Variants in ADAM10 observed in about 807,000 individuals in gnomAD.
The protein encoded by ADAM10 is disintegrin and metalloproteinase domain-containing protein 10.
A neutral mutation model predicts 90.1 loss-of-function variants in ADAM10; 17 were observed. The observed-to-expected ratio is 0.19, with a 90% CI of 0.13 to 0.28. The LOEUF is 0.28. ADAM10 is among the 10% of genes least tolerant of loss of function. The pLI is 1.00. For missense variants in ADAM10, 610 were observed against 914.3 expected (o/e 0.67, Z 4.29); for synonymous variants, 310 against 298.6 (o/e 1.04, Z -0.40).
chr15:58,599,455 T>C, intron 15 of ADAM10, 143 bp downstream of exon 15: 1 of 1,021,504 alleles, frequency 9.8e-7, no homozygotes, highest in Non-Finnish European at 1.5e-6. Flanking sequence ...CACACAAATA[T>C]CAACTAAATC....
intron 7 of ADAM10, 89 bp from the exon 8 acceptor site, chr15:58,641,049 G>A: frequency 8.2e-7 from 1 of 1,223,214 alleles, no homozygotes; most frequent in South Asian, 1.3e-5. Context: ...CGTACACCTG[G>A]ACAATATGCT....
chr15:58,712,153 TCC>T (rs1215926560), intron 2 of ADAM10, among the ~76,000 whole-genome samples: 1 of 152,188 alleles, frequency 6.6e-6, no homozygotes, highest in African/African-American at 2.4e-5. Context: ...ACAGAGATAT[TCC>T]AACATGTTAT....
chr15:58,651,417 T>C (rs1383182095), intron 5 of ADAM10, among the ~76,000 whole-genome samples: 2 of 152,274 alleles, frequency 1.3e-5, no homozygotes, highest in South Asian at 2.1e-4. Flanking sequence ...CTAATACTCA[T>C]TGCACCCTCT....
chr15:58,662,197 TGACA>T (rs1216863215), intron 5 of ADAM10, among the ~76,000 whole-genome samples: 1 of 152,246 alleles, frequency 6.6e-6, no homozygotes, highest in Non-Finnish European at 1.5e-5. Context: ...AGCTTTTCTC[TGACA>T]GACAGCTAAT....
intron 7 of ADAM10, 113 bp from the exon 8 acceptor site, chr15:58,641,073 G>C (rs1896406013): frequency 9.5e-7 from 1 of 1,056,006 alleles, no homozygotes; most frequent in Non-Finnish European, 1.4e-6. Flanking sequence ...ATGGAAATCA[G>C]GCCTGAATTA....
chr15:58,688,727 C>T (rs1897679441), intron 2 of ADAM10, among the ~76,000 whole-genome samples: 1 of 139,004 alleles, frequency 7.2e-6, no homozygotes, highest in South Asian at 2.3e-4. Flanking sequence ...AGGAAACTTC[C>T]AGAATTGGAA....
In ADAM10 at chr15:58,643,987, T is replaced by C; in HGVS notation, c.736-9A>G. 1.3e-6 allele frequency: 2 copies of C among 1,581,514 alleles called. No homozygotes were observed. The highest frequency in any genetic ancestry group is 1.1e-5 in the South Asian group (1 of 90,104). ...TTAACATGACTGGATATCTATGATT[T>C]AAAAAAAAGAACATTTTAGAGGCAA... On this transcript the variant is annotated splice_polypyrimidine_tract_variant and intron_variant, in intron 6 of 15. Transcript: ENST00000260408.
rs1221056010 is a variant in ADAM10, at chr15:58,590,962, C to G, written c.*6585G>C. On this transcript the variant is annotated 3_prime_UTR_variant, in exon 16 of 16. Coordinates refer to ENST00000260408, the MANE Select transcript of ADAM10 (RefSeq NM_001110.4). Reference sequence around the variant, plus strand: ...TCTTTTTAAAGATCTATTTCCACCTCCAGGGAACATGATCATTTAAACAAG... The same window carrying G: ...TCTTTTTAAAGATCTATTTCCACCTGCAGGGAACATGATCATTTAAACAAG... 6.6e-6 allele frequency: 1 copy of G among 152,130 alleles called. No homozygotes were observed. Among genetic ancestry groups the G allele is most frequent in the African/African-American group, 2.4e-5 (1 of 41,414 alleles). 9.4% of individuals were successfully genotyped at this position (152,130 alleles called of 1,614,324 possible). A position where few individuals can be genotyped will look rare whatever the true frequency, so the allele number is the denominator to read the frequency against.
Position 58,615,629 on chromosome 15 carries a change from C to G in ADAM10, c.1512-3638G>C, listed in dbSNP as rs146268556. Among the ~76,000 whole-genome samples, 9 of 152,018 alleles carry G rather than the reference C, an allele frequency of 5.9e-5. No homozygotes were observed. The South Asian group carries it at 1.9e-3, about 32-fold the overall frequency. ...CATATATAGACTAAAAGTAAAGGAA[C>G]AGAAGAAGATATTTCACTCAACCAG... On this transcript the variant is annotated intron_variant, in intron 11 of 15. Transcript: ENST00000260408.
chr15:58,720,090 G>C (rs1318308571), intron 1 of ADAM10, among the ~76,000 whole-genome samples: 1 of 152,176 alleles, frequency 6.6e-6, no homozygotes, highest in East Asian at 1.9e-4. Context: ...CATGAGCTAA[G>C]TAATTATTTA....
chr15:58,691,341 T>G, intron 2 of ADAM10: 1 of 1,085,314 alleles, frequency 9.2e-7, no homozygotes, highest in Non-Finnish European at 1.4e-6. Context: ...CACACAGTAC[T>G]CATCAATGGG....
intron 5 of ADAM10, among the ~76,000 whole-genome samples, chr15:58,646,514 C>G (rs1399613500): frequency 5.9e-5 from 9 of 152,174 alleles, no homozygotes; most frequent in African/African-American, 2.2e-4. Flanking sequence ...TACCTCACAT[C>G]TAATACCCAT....
At chr15:58,657,750 C>T (rs1265208931) in intron 5 of ADAM10, among the ~76,000 whole-genome samples, 3 of 152,046 alleles carry the variant, frequency 2.0e-5, no homozygotes, top group Admixed American at 1.3e-4. Context: ...ATGGTCTGGA[C>T]GCTTGTGGAT....
At chr15:58,648,252 AC>A (rs1255324758) in intron 5 of ADAM10, among the ~76,000 whole-genome samples, 2 of 152,222 alleles carry the variant, frequency 1.3e-5, no homozygotes, top group Non-Finnish European at 2.9e-5. Context: ...AAACAGTGTA[AC>A]ATTTGGGGGA....
intron 1 of ADAM10, among the ~76,000 whole-genome samples, chr15:58,744,413 G>C (rs1405694631): frequency 6.6e-6 from 1 of 151,882 alleles, no homozygotes; most frequent in African/African-American, 2.4e-5. Flanking sequence ...CAATTAGAAG[G>C]TAACATCTTC....
At chr15:58,682,104 T>G in intron 3 of ADAM10, 92 bp downstream of exon 3, 1 of 1,562,706 alleles carries the variant, frequency 6.4e-7, no homozygotes, top group Non-Finnish European at 8.7e-7. Flanking sequence ...ATTTATAACC[T>G]TTTCTGAAAT....
At chr15:58,659,403 T>C (rs1027498307) in intron 5 of ADAM10, among the ~76,000 whole-genome samples, 23 of 152,184 alleles carry the variant, frequency 1.5e-4, no homozygotes, top group Non-Finnish European at 3.4e-4. Flanking sequence ...CTTCCTTCTA[T>C]TTTTAGTTTG....
At chr15:58,664,135 T>C (rs879507633) in intron 5 of ADAM10, among the ~76,000 whole-genome samples, 7 of 152,084 alleles carry the variant, frequency 4.6e-5, no homozygotes, top group Non-Finnish European at 7.4e-5. Flanking sequence ...TGGAATAGTC[T>C]TTCCATATCC....
Position 58,655,742 on chromosome 15 carries a change from C to CTT in ADAM10, c.585+9353_585+9354dup, listed in dbSNP as rs71116585. 1.0e-3 allele frequency among the ~76,000 whole-genome samples: 40 copies of CTT among 39,670 alleles called. 1 individual carries two copies. The highest frequency in any genetic ancestry group is 2.4e-3 in the South Asian group (2 of 848). The allele number at this position is 39,670 out of a possible 152,430, so 26.0% of individuals were successfully genotyped here. A position where few individuals can be genotyped will look rare whatever the true frequency, so the allele number is the denominator to read the frequency against. On this transcript the variant is annotated intron_variant, in intron 5 of 15. Coordinates refer to ENST00000260408, the MANE Select transcript of ADAM10 (RefSeq NM_001110.4). The stretch of plus-strand genomic sequence containing the variant: ...ATATATATATATATATATATATATT[C>CTT]TTTTTTTTTTTTTTTTTTTTTTGAA...
Sources: allele counts gnomAD v4.1 joint callset (sites outside exome capture counted in the v4.1 genomes callset), GRCh38; gene constraint gnomAD v4.1.1; transcripts MANE v1.5; gene names NCBI Gene and HGNC (gene_info 2026-07-23, HGNC 2026-07-21).